The following CARMIL1 variants were observed in gnomAD, a reference collection of about 807,000 sequenced individuals.
The protein encoded by CARMIL1 is capping protein regulator and myosin 1 linker 1.
A neutral mutation model predicts 177.1 loss-of-function variants in CARMIL1; 90 were observed. That is an observed-to-expected ratio of 0.51 (90% CI 0.43 to 0.61). CARMIL1 has a LOEUF of 0.61. Among genes scored for constraint, CARMIL1 ranks in the 20% least tolerant of loss-of-function variants. The pLI, the probability that CARMIL1 is intolerant of heterozygous loss-of-function variation, is 0.00. For missense variants in CARMIL1, 1,380 were observed against 1,667.0 expected (o/e 0.83, Z 3.00); for synonymous variants, 577 against 606.2 (o/e 0.95, Z 0.71).
chr6:25,519,042 A>G (rs1030776551), intron 22 of CARMIL1, among the ~76,000 whole-genome samples: 1 of 152,214 alleles, frequency 6.6e-6, no homozygotes, highest in African/African-American at 2.4e-5. Flanking sequence ...CTACTCTATA[A>G]GTTGGACTGG....
intron 2 of CARMIL1, among the ~76,000 whole-genome samples, chr6:25,305,181 T>C: frequency 6.6e-6 from 1 of 152,180 alleles, no homozygotes; most frequent in South Asian, 2.1e-4. Context: ...TAAAGAGCCA[T>C]TCTAATTTTA....
chr6:25,390,323 T>TA (rs34526527), intron 2 of CARMIL1, among the ~76,000 whole-genome samples: 1 of 111,330 alleles, frequency 9.0e-6, no homozygotes, highest in African/African-American at 3.8e-5. Flanking sequence ...TATATATATT[T>TA]TTTTTTTTTT....
intron 13 of CARMIL1, among the ~76,000 whole-genome samples, chr6:25,491,443 A>G (rs1186313577): frequency 5.3e-5 from 8 of 152,194 alleles, no homozygotes; most frequent in African/African-American, 1.4e-4. Context: ...CCAAAATTGT[A>G]TAATAAAAAT....
intron 31 of CARMIL1, among the ~76,000 whole-genome samples, chr6:25,587,295 C>T (rs922792183): frequency 2.0e-5 from 3 of 151,970 alleles, no homozygotes; most frequent in Non-Finnish European, 2.9e-5. Context: ...TTAAAAATTA[C>T]ATTATAGCTG....
intron 4 of CARMIL1, among the ~76,000 whole-genome samples, chr6:25,430,782 C>T (rs1049778344): frequency 1.2e-4 from 18 of 152,046 alleles, no homozygotes; most frequent in African/African-American, 4.1e-4. Context: ...TGATATAGAT[C>T]CATTTATATT....
chr6:25,611,244 A>G (rs1447595707), intron 36 of CARMIL1, among the ~76,000 whole-genome samples: 1 of 152,244 alleles, frequency 6.6e-6, no homozygotes, highest in Non-Finnish European at 1.5e-5. Context: ...TGCTATAAAT[A>G]AAAGATGGTT....
rs961981893 is a variant in CARMIL1, at chr6:25,558,285, G to C, written c.2742+1435G>C. Reference sequence around the variant, plus strand: ...ATTTGGTCATGTGTAAATTGGAAAAGGGTGAAGGAAAAAACAAGCTAGTAA... The same window carrying C: ...ATTTGGTCATGTGTAAATTGGAAAACGGTGAAGGAAAAAACAAGCTAGTAA... On this transcript the variant is annotated intron_variant, in intron 29 of 36. Transcript: ENST00000329474. The surrounding 1 kb of genome is among the most constrained non-coding windows in gnomAD (Gnocchi z 4.1). Among the ~76,000 whole-genome samples, 1 of 152,164 alleles carries C rather than the reference G, an allele frequency of 6.6e-6. No individual in the cohort carries two copies. The highest frequency in any genetic ancestry group is 1.5e-5 in the Non-Finnish European group (1 of 68,030).
At chr6:25,338,544 G>C (rs941292994) in intron 2 of CARMIL1, among the ~76,000 whole-genome samples, 1 of 131,022 alleles carries the variant, frequency 7.6e-6, no homozygotes, top group Non-Finnish European at 1.7e-5. Context: ...CAAAAAAGCT[G>C]GTCCTACTTT....
At chr6:25,448,852 T>G (rs72831275) in intron 5 of CARMIL1, among the ~76,000 whole-genome samples, 19,919 of 152,068 alleles carry the variant, frequency 0.13, 1,595 homozygotes, top group African/African-American at 0.22. Context: ...AAATGATTAC[T>G]CTGTGATAAC....
chr6:25,321,358 C>T (rs559866109), intron 2 of CARMIL1, among the ~76,000 whole-genome samples: 27 of 152,210 alleles, frequency 1.8e-4, no homozygotes, highest in South Asian at 2.1e-4. Context: ...TTCTGGTGAG[C>T]GCTGCTAGAG....
chr6:25,515,644 T>A lies in CARMIL1; in HGVS notation c.1633-31T>A. 6.4e-7 allele frequency: 1 copy of A among 1,569,424 alleles called. No homozygotes were observed. The highest frequency in any genetic ancestry group is 8.6e-7 in the Non-Finnish European group (1 of 1,156,636). ...AGAGTGGGTGCTGCTTTGATGAGAC[T>A]GCTGAGTGCCGTGTGTCATTTGCTC... On this transcript the variant is annotated intron_variant, in intron 20 of 36. Transcript: ENST00000329474. This position sits in a 1 kb window ranked among gnomAD's most constrained non-coding sequence, Gnocchi z 5.0.
intron 8 of CARMIL1, among the ~76,000 whole-genome samples, chr6:25,465,015 A>G (rs1800466652): frequency 6.6e-6 from 1 of 151,346 alleles, no homozygotes; most frequent in South Asian, 2.1e-4. Flanking sequence ...TATGAAGCCT[A>G]AGACAAAAAT....
At chr6:25,409,511 A>G (rs1432520325) in intron 2 of CARMIL1, among the ~76,000 whole-genome samples, 1 of 151,758 alleles carries the variant, frequency 6.6e-6, no homozygotes, top group Non-Finnish European at 1.5e-5. Context: ...CTCAGTCCAC[A>G]AAATGGCAAA....
At chr6:25,338,551 CTTTT>C (rs34070479) in intron 2 of CARMIL1, among the ~76,000 whole-genome samples, 1 of 141,422 alleles carries the variant, frequency 7.1e-6, no homozygotes, top group Non-Finnish European at 1.6e-5. Context: ...GCTGGTCCTA[CTTTT>C]TTTTTTTTTT....
At chr6:25,605,065 C>T (rs1195011415) in intron 34 of CARMIL1, among the ~76,000 whole-genome samples, 172 bp downstream of exon 34, 1 of 152,200 alleles carries the variant, frequency 6.6e-6, no homozygotes, top group Non-Finnish European at 1.5e-5. Context: ...CTTATCTTCC[C>T]CTGGGGCACA....
At chr6:25,527,090 G>A (rs1807220231) in intron 23 of CARMIL1, among the ~76,000 whole-genome samples, 1 of 152,158 alleles carries the variant, frequency 6.6e-6, no homozygotes, top group African/African-American at 2.4e-5. Context: ...AGTGAGACCA[G>A]AGATGTCTGA....
chr6:25,358,662 T>A (rs1788880912), intron 2 of CARMIL1, among the ~76,000 whole-genome samples: 2 of 152,182 alleles, frequency 1.3e-5, no homozygotes, highest in South Asian at 4.1e-4. Flanking sequence ...GAAAAATAAT[T>A]TGGTGAATCC....
intron 2 of CARMIL1, among the ~76,000 whole-genome samples, chr6:25,382,641 G>GA (rs1279038481): frequency 7.2e-5 from 11 of 152,118 alleles, no homozygotes; most frequent in African/African-American, 2.7e-4. Flanking sequence ...TTTAGACACA[G>GA]AGTGCTGATT....
intron 2 of CARMIL1, among the ~76,000 whole-genome samples, chr6:25,285,385 G>A (rs915612218): frequency 2.0e-5 from 3 of 152,280 alleles, no homozygotes; most frequent in South Asian, 4.1e-4. Context: ...ATTTTACTTA[G>A]GGTGTTGGTG....
Sources: gnomAD v4.1 joint callset for allele counts (sites outside exome capture counted in the v4.1 genomes callset) on GRCh38, gnomAD v4.1.1 for gene constraint, Gnocchi (gnomAD v3.1) non-coding constraint, MANE v1.5 for transcripts, NCBI Gene and HGNC (gene_info 2026-07-23, HGNC 2026-07-21) for gene names.